LCORL: variants seen among roughly 807,000 people sequenced by gnomAD.
The protein encoded by LCORL is ligand dependent nuclear receptor corepressor like, also known as ligand-dependent nuclear receptor corepressor-like protein.
Under a neutral mutation model 141.8 loss-of-function variants are expected in LCORL, and 41 were observed. The observed-to-expected ratio is 0.29, with a 90% confidence interval of 0.23 to 0.38. The LOEUF (loss-of-function observed/expected upper bound fraction) is 0.38. LCORL is among the 10% of genes least tolerant of loss of function. The pLI, the probability that LCORL is intolerant of heterozygous loss-of-function variation, is 1.00. For missense variants in LCORL, 1,759 were observed against 2,035.0 expected (o/e 0.86, Z 2.61); for synonymous variants, 618 against 694.1 (o/e 0.89, Z 1.72).
At position 17,881,466 on chromosome 4, in the gene LCORL, C is replaced by T. The variant is rs1024870036; in HGVS notation, c.777-3253G>A. The T allele has an allele frequency of 5.8e-6, 5 of 858,126 alleles. No homozygotes were observed. In the African/African-American group the frequency reaches 9.2e-5, roughly 16 times the overall value. The allele number at this position is 858,126 out of a possible 1,614,324, so 53.2% of individuals were successfully genotyped here. A position where few individuals can be genotyped will look rare whatever the true frequency, so the allele number is the denominator to read the frequency against. ...GGGTTGATTATTACCTATAAACTAT[C>T]AAAAAATATTTTAATTTACTATTTC... On this transcript the variant is annotated intron_variant, in intron 6 of 7. Coordinates refer to ENST00000635767, the Ensembl canonical transcript of LCORL.
At chr4:17,909,732 T>TAGG (rs1446910082) in intron 4 of LCORL, among the ~76,000 whole-genome samples, 2 of 152,132 alleles carry the variant, frequency 1.3e-5, no homozygotes, top group East Asian at 3.8e-4. Context: ...TTTATCCTAA[T>TAGG]ATACAATGTG....
intron 1 of LCORL, among the ~76,000 whole-genome samples, chr4:17,976,850 A>G (rs1186060049): frequency 2.0e-5 from 3 of 152,058 alleles, no homozygotes; most frequent in African/African-American, 7.2e-5. Flanking sequence ...GTTCCTCTGT[A>G]CTTCGTAATG....
intron 5 of LCORL, among the ~76,000 whole-genome samples, chr4:17,908,236 T>C (rs1731970385): frequency 6.6e-6 from 1 of 152,134 alleles, no homozygotes; most frequent in Non-Finnish European, 1.5e-5. Flanking sequence ...TTCTCCATGT[T>C]GGTCAGGCTG....
intron 2 of LCORL, among the ~76,000 whole-genome samples, chr4:17,969,201 T>G (rs965113081): frequency 1.3e-5 from 2 of 152,162 alleles, no homozygotes; most frequent in East Asian, 1.9e-4. Flanking sequence ...CATAGAGTAC[T>G]GGGAACTCTT....
At chr4:17,853,781 A>T (rs773815927) in intron 7 of LCORL, among the ~76,000 whole-genome samples, 1 of 152,116 alleles carries the variant, frequency 6.6e-6, no homozygotes, top group Admixed American at 6.6e-5. Flanking sequence ...ATCTATCCAA[A>T]TATCACGATA....
chr4:17,877,859 A>G (rs1727085222), exon 7 of LCORL: 1 of 1,230,778 alleles, frequency 8.1e-7, no homozygotes, highest in Non-Finnish European at 1.0e-6. Flanking sequence ...CGTGTTCAAC[A>G]GTTACAGTTT....
chr4:17,961,234 T>C (rs1713722046), intron 4 of LCORL, among the ~76,000 whole-genome samples: 1 of 152,052 alleles, frequency 6.6e-6, no homozygotes, highest in South Asian at 2.1e-4. Flanking sequence ...TCTATTACTG[T>C]GGGAACAGCC....
At chr4:17,887,037 T>C (rs1036283588) in intron 5 of LCORL, among the ~76,000 whole-genome samples, 2 of 152,074 alleles carry the variant, frequency 1.3e-5, no homozygotes. Context: ...CTAATTCAAC[T>C]GGGCTTAAAA....
At chr4:18,010,154 C>T (rs1356254206) in intron 1 of LCORL, among the ~76,000 whole-genome samples, 4 of 152,160 alleles carry the variant, frequency 2.6e-5, no homozygotes, top group Non-Finnish European at 4.4e-5. Context: ...TTCTTTTACA[C>T]TAATTCCTTC....
chr4:18,021,462 C>G lies in LCORL; in HGVS notation c.154+136G>C, dbSNP rs918820441. 1 of 704,550 alleles carries G rather than the reference C, an allele frequency of 1.4e-6. No individual in the cohort carries two copies. 43.6% of individuals were successfully genotyped at this position (704,550 alleles called of 1,614,324 possible). ...AAGGCGAGCGCCGGGGCCGCCGCGC[C>G]GCGCCGCTCCCATCTCGCTCCCCCA... On this transcript the variant is annotated intron_variant, in intron 1 of 7. Coordinates refer to ENST00000635767, the Ensembl canonical transcript of LCORL. The surrounding 1 kb of genome is among the most constrained non-coding windows in gnomAD (Gnocchi z 5.5).
intron 5 of LCORL, among the ~76,000 whole-genome samples, chr4:17,901,437 T>G (rs1730865478): frequency 6.6e-6 from 1 of 151,074 alleles, no homozygotes; most frequent in Non-Finnish European, 1.5e-5. Flanking sequence ...AAACCCTTAT[T>G]TAAGGAATGT....
exon 7 of LCORL, chr4:17,875,851 T>C (rs1726860540): frequency 8.1e-7 from 1 of 1,231,276 alleles, no homozygotes; most frequent in Non-Finnish European, 1.0e-6. Flanking sequence ...ATAAACATTG[T>C]AGAGGATCCT....
chr4:17,954,017 G>T (rs1712037323), intron 4 of LCORL, among the ~76,000 whole-genome samples: 1 of 152,132 alleles, frequency 6.6e-6, no homozygotes, highest in South Asian at 2.1e-4. Flanking sequence ...CAAAAAATTA[G>T]CCAGGTGTGG....
intron 7 of LCORL, among the ~76,000 whole-genome samples, chr4:17,871,428 T>A (rs554719120): frequency 6.6e-6 from 1 of 152,078 alleles, no homozygotes; most frequent in East Asian, 1.9e-4. Context: ...GAAAAAGTAG[T>A]CACTAGGCAT....
intron 4 of LCORL, among the ~76,000 whole-genome samples, chr4:17,909,632 A>C (rs1732182225): frequency 6.6e-6 from 1 of 152,156 alleles, no homozygotes; most frequent in African/African-American, 2.4e-5. Context: ...GGAACAACTT[A>C]TTCTCAAGAG....
intron 1 of LCORL, among the ~76,000 whole-genome samples, chr4:18,011,660 A>G (rs1413246591): frequency 6.6e-6 from 1 of 152,176 alleles, no homozygotes; most frequent in Admixed American, 6.5e-5. Context: ...AGATCAGCAA[A>G]CTATGGTTTA....
At chr4:17,998,995 T>C (rs1457056716) in intron 1 of LCORL, among the ~76,000 whole-genome samples, 26 of 64,866 alleles carry the variant, frequency 4.0e-4, no homozygotes, top group African/African-American at 1.3e-3. Flanking sequence ...AATATATATA[T>C]ATATATATAC....
In LCORL at chr4:17,912,584, G is replaced by A. The variant is rs1383362539; in HGVS notation, c.431-3239C>T. On this transcript the variant is annotated intron_variant, in intron 4 of 7. Coordinates refer to ENST00000635767, the Ensembl canonical transcript of LCORL. ...AATTGGAGCTGCTGAGATGGTGCTC[G>A]TGCAGCTGAGACTTACAGTCCAGTC... The A allele has an allele frequency of 3.8e-5, 16 of 421,244 alleles. 1 individual carries two copies. Among genetic ancestry groups the A allele is most frequent in the Middle Eastern group, 1.5e-3 (2 of 1,308 alleles). The allele number at this position is 421,244 out of a possible 1,614,324, so 26.1% of individuals were successfully genotyped here.
chr4:18,018,402 A>C (rs1332217405), intron 1 of LCORL, among the ~76,000 whole-genome samples: 1 of 152,198 alleles, frequency 6.6e-6, no homozygotes, highest in Non-Finnish European at 1.5e-5. Context: ...AGAAAGTACC[A>C]CAATGTAAGT....
Sources: gnomAD v4.1 joint callset for allele counts (sites outside exome capture counted in the v4.1 genomes callset) on GRCh38, gnomAD v4.1.1 for gene constraint, Gnocchi (gnomAD v3.1) non-coding constraint, MANE v1.5 for transcripts, NCBI Gene and HGNC (gene_info 2026-07-23, HGNC 2026-07-21) for gene names.